The following CUBN variants were observed in gnomAD, a reference collection of about 807,000 sequenced individuals.
CUBN encodes 460 kDa receptor.
In CUBN, 282 loss-of-function variants were observed where a neutral mutation model predicts 405.3. That is an observed-to-expected ratio of 0.70 (90% CI 0.63 to 0.77). CUBN has a LOEUF of 0.77. Among genes scored for constraint, CUBN ranks in the 30% least tolerant of loss-of-function variants. The pLI is 0.00. For synonymous variants in CUBN, 1,684 were observed against 1,617.0 expected (o/e 1.04, Z -0.99); for missense variants, 4,514 against 4,475.2 (o/e 1.01, Z -0.25).
chr10:16,885,930 A>G (rs1251543499), intron 56 of CUBN, among the ~76,000 whole-genome samples: 1 of 152,244 alleles, frequency 6.6e-6, no homozygotes, highest in Non-Finnish European at 1.5e-5. Flanking sequence ...TCTCGAATAA[A>G]TCTATCACAC....
At chr10:17,094,170 T>G (rs2145939) in intron 14 of CUBN, among the ~76,000 whole-genome samples, 115,445 of 151,760 alleles carry the variant, frequency 0.76, 44,167 homozygotes, top group Middle Eastern at 0.9. Flanking sequence ...GCAGTGAGGG[T>G]GGAGAAAAAG....
At chr10:17,128,551 T>C (rs1837251293) in intron 2 of CUBN, among the ~76,000 whole-genome samples, 1 of 152,232 alleles carries the variant, frequency 6.6e-6, no homozygotes, top group South Asian at 2.1e-4. Flanking sequence ...CTTGGTCCCC[T>C]ACTTCCTCGC....
intron 28 of CUBN, among the ~76,000 whole-genome samples, chr10:17,001,308 G>C (rs943769237): frequency 6.6e-6 from 1 of 152,232 alleles, no homozygotes; most frequent in East Asian, 1.9e-4. Flanking sequence ...GATTGCCACT[G>C]GTGCGCAGGA....
chr10:16,974,684 T>C (rs1833040624), intron 31 of CUBN, among the ~76,000 whole-genome samples: 2 of 152,124 alleles, frequency 1.3e-5, no homozygotes, highest in Admixed American at 6.5e-5. Context: ...AGTTAACTCT[T>C]GAACAACAGA....
chr10:16,952,342 G>A lies in CUBN; in HGVS notation c.4903C>T (p.Pro1635Ser). ...LTSSFDTVSS[P>S]RFPANYPNNQ... ...TTTGGATAATTGGCAGGGAACCGTG[G>A]AGAGGAAACAGTATCAAATGAGCTG... The change falls in exon 33 of 67, where the codon CCA becomes TCA. Residue 1635 changes from proline to serine, a missense_variant. Transcript: ENST00000377833. The A allele has an allele frequency of 1.2e-6, 2 of 1,614,022 alleles. No homozygotes were observed. The highest frequency in any genetic ancestry group is 1.6e-4 in the Middle Eastern group (1 of 6,062).
At chr10:17,051,397 A>T (rs996163499) in intron 22 of CUBN, among the ~76,000 whole-genome samples, 1 of 152,088 alleles carries the variant, frequency 6.6e-6, no homozygotes, top group African/African-American at 2.4e-5. Context: ...TATGAATCAA[A>T]TCAAGAAAAG....
intron 20 of CUBN, 74 bp downstream of exon 20, chr10:17,068,531 T>C: frequency 1.5e-6 from 2 of 1,307,314 alleles, no homozygotes; most frequent in Middle Eastern, 1.9e-4. Flanking sequence ...GATTTTCATA[T>C]AATTTATTTC....
chr10:16,850,458 T>A (rs1337065142), intron 60 of CUBN, among the ~76,000 whole-genome samples: 1 of 152,176 alleles, frequency 6.6e-6, no homozygotes, highest in African/African-American at 2.4e-5. Flanking sequence ...TTTCTTGATT[T>A]ACTTTTTTAT....
intron 31 of CUBN, among the ~76,000 whole-genome samples, chr10:16,955,750 TA>T (rs1843045416): frequency 6.6e-6 from 1 of 152,198 alleles, no homozygotes; most frequent in African/African-American, 2.4e-5. Context: ...TTTCTGTTTT[TA>T]AGAACAGGAC....
intron 8 of CUBN, 122 bp from the exon 9 acceptor site, chr10:17,111,172 T>A (rs2131309029): frequency 1.7e-6 from 2 of 1,151,564 alleles, no homozygotes; most frequent in Non-Finnish European, 2.5e-6. Context: ...AAATGAGATA[T>A]GCTTATCAGA....
intron 62 of CUBN, among the ~76,000 whole-genome samples, chr10:16,836,853 G>A (rs866570687): frequency 4.6e-5 from 7 of 152,128 alleles, no homozygotes; most frequent in African/African-American, 7.2e-5. Flanking sequence ...CAAGCCAGCC[G>A]GGGCCTGTCA....
chr10:17,071,875 T>C lies in CUBN; in HGVS notation c.2398A>G (p.Ile800Val). 6.2e-7 allele frequency: 1 copy of C among 1,613,374 alleles called. No homozygotes were observed. Among genetic ancestry groups the C allele is most frequent in the Non-Finnish European group, 8.5e-7 (1 of 1,179,802 alleles). The change falls in exon 18 of 67, where the codon ATA (isoleucine) becomes GTA (valine). Residue 800 changes from isoleucine to valine, a missense_variant. Physicochemically the swap from Ile to Val is conservative, Grantham distance 29. Coordinates refer to ENST00000377833, the MANE Select transcript of CUBN (RefSeq NM_001081.4). ...ITNSVWIRFK[I>V]DASVEKASFR... ...CTAGCTTTTTCAACAGAAGCATCTATTTTAAACCTGATCCAGACACTATTA... is the reference window on the plus strand; with the variant it reads ...CTAGCTTTTTCAACAGAAGCATCTACTTTAAACCTGATCCAGACACTATTA...
At chr10:17,007,555 C>T (rs1413533783) in intron 28 of CUBN, among the ~76,000 whole-genome samples, 5 of 151,826 alleles carry the variant, frequency 3.3e-5, no homozygotes, top group Admixed American at 1.3e-4. Context: ...GAAATGATGT[C>T]GCTGCCAAGT....
intron 39 of CUBN, 123 bp downstream of exon 39, chr10:16,937,469 A>G (rs1842542285): frequency 2.6e-6 from 2 of 757,736 alleles, no homozygotes; most frequent in Non-Finnish European, 4.5e-6. Flanking sequence ...ATCTGAACAT[A>G]TGGTGGAAGG....
chr10:16,949,888 C>T (rs1259175215), intron 34 of CUBN, 113 bp downstream of exon 34: 15 of 814,586 alleles, frequency 1.8e-5, no homozygotes, highest in Non-Finnish European at 3.1e-5. Flanking sequence ...GCTTAGGCTG[C>T]TCTTTCTATT....
intron 66 of CUBN, 99 bp downstream of exon 66, chr10:16,828,706 G>A: frequency 2.1e-6 from 2 of 943,234 alleles, no homozygotes; most frequent in East Asian, 2.6e-5. Flanking sequence ...TGGGTGACAA[G>A]AGCGAGATTC....
chr10:16,952,139 A>T, intron 33 of CUBN, 137 bp downstream of exon 33: 1 of 691,980 alleles, frequency 1.4e-6, no homozygotes, highest in South Asian at 1.5e-5. Context: ...TAAGCACATC[A>T]GGAATTGGGA....
chr10:17,126,896 G>T, intron 3 of CUBN, 97 bp from the exon 4 acceptor site: 1 of 1,231,754 alleles, frequency 8.1e-7, no homozygotes, highest in South Asian at 1.2e-5. Flanking sequence ...CCCTCTGCTA[G>T]GGACACACTT....
At chr10:17,003,085 G>T (rs376162273) in intron 28 of CUBN, among the ~76,000 whole-genome samples, 2 of 152,172 alleles carry the variant, frequency 1.3e-5, no homozygotes, top group African/African-American at 4.8e-5. Flanking sequence ...GTGAGAGAAA[G>T]AATAGTCAGC....
Sources: gnomAD v4.1 joint callset for allele counts (sites outside exome capture counted in the v4.1 genomes callset) on GRCh38, gnomAD v4.1.1 for gene constraint, MANE v1.5 for transcripts, NCBI Gene and HGNC (gene_info 2026-07-23, HGNC 2026-07-21) for gene names.